The following IFT27 variants were observed in gnomAD, a reference collection of about 807,000 sequenced individuals.
IFT27 encodes intraflagellar transport protein 27 homolog.
Under a neutral mutation model 23.9 loss-of-function variants are expected in IFT27, and 19 were observed. The observed-to-expected ratio is 0.79, with a 90% CI of 0.55 to 1.16. The LOEUF is 1.16. Among genes scored for constraint, IFT27 ranks in the 50% most tolerant of loss-of-function variants. The probability of loss-of-function intolerance (pLI) is 0.00; values close to 1 mark genes in which losing one functional copy is unlikely to be tolerated. For synonymous variants in IFT27, 91 were observed against 89.1 expected (o/e 1.02, Z -0.12); for missense variants, 206 against 228.7 (o/e 0.90, Z 0.64).
At chr22:36,762,779 A>C in intron 6 of IFT27, 125 bp downstream of exon 6, 1 of 502,192 alleles carries the variant, frequency 2.0e-6, no homozygotes, top group Non-Finnish European at 3.5e-6. Flanking sequence ...GAATGTAAAC[A>C]TCAGTTCCAA....
At chr22:36,763,802 A>G (rs1436816334) in intron 5 of IFT27, 117 bp downstream of exon 5, 11 of 789,160 alleles carry the variant, frequency 1.4e-5, no homozygotes, top group Non-Finnish European at 2.2e-5. Flanking sequence ...GCCTTAGGCC[A>G]TCAAAGTCCA....
intron 6 of IFT27, chr22:36,760,264 A>C (rs538226909): frequency 6.6e-6 from 1 of 152,396 alleles, no homozygotes; most frequent in Non-Finnish European, 1.5e-5. Context: ...TGCATAGCGC[A>C]CGCACGGGGA....
In IFT27 at chr22:36,766,202, A is replaced by C; in HGVS notation, c.175-5T>G. The C allele has an allele frequency of 6.2e-7, 1 of 1,613,972 alleles. No individual in the cohort carries two copies. Among genetic ancestry groups the C allele is most frequent in the Non-Finnish European group, 8.5e-7 (1 of 1,179,890 alleles). ...AGAGTCAAAAATGAAGAGTTCCTAC[A>C]ATCAGAAAAGCAAGAAAAGTCTCCA... On this transcript the variant is annotated splice_region_variant and splice_polypyrimidine_tract_variant and intron_variant, in intron 3 of 6. Transcript: ENST00000433985.
intron 4 of IFT27, among the ~76,000 whole-genome samples, chr22:36,765,426 G>A (rs1221285405): frequency 2.0e-5 from 3 of 152,150 alleles, no homozygotes; most frequent in East Asian, 1.9e-4. Context: ...TGGGGTGAAC[G>A]TCGTGAACCG....
chr22:36,767,067 T>C (rs1489563294), intron 3 of IFT27: 2 of 366,196 alleles, frequency 5.5e-6, no homozygotes, highest in East Asian at 9.7e-5. Flanking sequence ...CTCAAGAACC[T>C]TGATAGTAGA....
At chr22:36,765,409 A>G (rs987404427) in intron 4 of IFT27, among the ~76,000 whole-genome samples, 2 of 152,172 alleles carry the variant, frequency 1.3e-5, no homozygotes, top group Non-Finnish European at 2.9e-5. Context: ...TGCACACGGT[A>G]GGCAATTGGG....
At chr22:36,774,403 C>T (rs960711662) in intron 1 of IFT27, among the ~76,000 whole-genome samples, 3 of 152,148 alleles carry the variant, frequency 2.0e-5, no homozygotes, top group Non-Finnish European at 4.4e-5. Flanking sequence ...AACAGAAACA[C>T]GAGTTAAGAG....
chr22:36,764,812 C>T (rs1032870875), intron 4 of IFT27, among the ~76,000 whole-genome samples: 2 of 152,224 alleles, frequency 1.3e-5, no homozygotes, highest in Non-Finnish European at 2.9e-5. Context: ...GCTGCCTGCC[C>T]CTGGATGTAG....
chr22:36,764,911 T>A (rs2145917650), intron 4 of IFT27, among the ~76,000 whole-genome samples: 1 of 152,258 alleles, frequency 6.6e-6, no homozygotes, highest in East Asian at 1.9e-4. Flanking sequence ...CCTCGCACAA[T>A]TAGGACCTGG....
intron 6 of IFT27, chr22:36,759,569 A>C (rs1159098710): frequency 2.0e-5 from 3 of 152,096 alleles, no homozygotes; most frequent in African/African-American, 7.2e-5. Context: ...GCATTCAAAA[A>C]CTTTCTCAGA....
chr22:36,762,176 T>A (rs1411953411), intron 6 of IFT27: 1 of 152,298 alleles, frequency 6.6e-6, no homozygotes, highest in East Asian at 1.9e-4. Context: ...CTGGGTCACA[T>A]GGCTGCATCT....
rs764256365 is a variant in IFT27 at position 36,762,968 on chromosome 22, A to G, written c.398T>C (p.Val133Ala). Residue 133 changes from valine (V) to alanine (A), a missense_variant, in exon 6 of 7, where the codon GTG becomes GCG. Val to Ala is a moderately conservative substitution (Grantham distance 64). Coordinates refer to ENST00000433985, the MANE Select transcript of IFT27 (RefSeq NM_001177701.3). Reference protein sequence around the residue: ...NKTDLAGRRAVDSAEARAWAL... With the variant: ...NKTDLAGRRAADSAEARAWAL... ...CCATGCCCGGGCCTCAGCTGAGTCCACTGCTCGTCTGCCGGCCAGGTCTGT... is the reference window on the plus strand; with the variant it reads ...CCATGCCCGGGCCTCAGCTGAGTCCGCTGCTCGTCTGCCGGCCAGGTCTGT... 4 of 1,606,918 alleles carry G rather than the reference A, an allele frequency of 2.5e-6. No homozygotes were observed. The highest frequency in any genetic ancestry group is 1.3e-5 in the African/African-American group (1 of 74,938).
chr22:36,758,719 T>C (rs1462996493), intron 6 of IFT27: 1 of 304,978 alleles, frequency 3.3e-6, no homozygotes, highest in Non-Finnish European at 6.2e-6. Context: ...TGTGACGAGA[T>C]GTGAAAATGA....
rs1601505764 is a variant in IFT27, at chr22:36,776,052, G to T, written c.-345C>A. ...CTACCCAGAGGGTTCAAGGAAGGAC[G>T]ATCCGGCTCTCCTCCGATCACAAGT... On this transcript the variant is annotated 5_prime_UTR_variant, in exon 1 of 7. Transcript: ENST00000433985. 2.7e-6 allele frequency: 1 copy of T among 370,312 alleles called. No homozygotes were observed. The highest frequency in any genetic ancestry group is 5.1e-6 in the Non-Finnish European group (1 of 197,536). 22.9% of individuals were successfully genotyped at this position (370,312 alleles called of 1,614,324 possible). A position where few individuals can be genotyped will look rare whatever the true frequency, so the allele number is the denominator to read the frequency against.
At chr22:36,758,506 T>A in intron 6 of IFT27, 97 bp from the exon 7 acceptor site, 1 of 900,958 alleles carries the variant, frequency 1.1e-6, no homozygotes, top group South Asian at 1.4e-5. Flanking sequence ...CTACCTACTT[T>A]CCACCTCATT....
chr22:36,764,585 A>G (rs1938194776), intron 4 of IFT27, among the ~76,000 whole-genome samples: 1 of 152,226 alleles, frequency 6.6e-6, no homozygotes, highest in Non-Finnish European at 1.5e-5. Context: ...TTCTTTCTTC[A>G]TTAGCCAGCC....
intron 6 of IFT27, chr22:36,760,363 T>C (rs1325675954): frequency 2.0e-5 from 3 of 152,240 alleles, no homozygotes; most frequent in African/African-American, 4.8e-5. Context: ...TGAGCCTCAA[T>C]AGACACCACG....
rs764835637 is a variant in IFT27, at chr22:36,758,294, C to T, written c.*17G>A. The stretch of plus-strand genomic sequence containing the variant: ...TTCTGTCTTCTCCGGTTGTGCAGCA[C>T]GATCTGCTCCAGCTCGTCATGCCAG... On this transcript the variant is annotated 3_prime_UTR_variant, in exon 7 of 7. Coordinates refer to ENST00000433985, the MANE Select transcript of IFT27 (RefSeq NM_001177701.3). The T allele has an allele frequency of 1.9e-5, 30 of 1,589,350 alleles. No homozygotes were observed. Among genetic ancestry groups the T allele is most frequent in the Admixed American group, 1.2e-4 (7 of 59,972 alleles).
At chr22:36,774,811 CAAAAA>C (rs547732984) in intron 1 of IFT27, among the ~76,000 whole-genome samples, 1 of 118,262 alleles carries the variant, frequency 8.5e-6, no homozygotes, top group African/African-American at 3.4e-5. Flanking sequence ...GACTCCGTCT[CAAAAA>C]AAAAAAAAAA....
Sources: gnomAD v4.1 joint callset for allele counts (sites outside exome capture counted in the v4.1 genomes callset) on GRCh38, gnomAD v4.1.1 for gene constraint, MANE v1.5 for transcripts, NCBI Gene and HGNC (gene_info 2026-07-23, HGNC 2026-07-21) for gene names.